RPS19: variants seen among roughly 807,000 people sequenced by gnomAD.
The protein encoded by RPS19 is small ribosomal subunit protein eS19.
RPS19 carries 1 observed loss-of-function variant against 20.3 expected under a neutral mutation model. The ratio of observed to expected loss-of-function variants is 0.05; its 90% CI spans 0.02 to 0.23. The LOEUF (loss-of-function observed/expected upper bound fraction) is 0.23. RPS19 is among the 10% of genes least tolerant of loss of function. The pLI is 1.00. For missense variants in RPS19, 111 were observed against 192.7 expected, an observed-to-expected ratio of 0.58 and a Z score of 2.51; for synonymous variants, 87 against 74.8, an observed-to-expected ratio of 1.16 and a Z score of -0.84.
Position 41,871,518 on chromosome 19 carries a change from A to G in RPS19, c.*141A>G, listed in dbSNP as rs2074149610. The G allele has an allele frequency of 1.4e-6, 1 of 715,896 alleles. No homozygotes were observed. The highest frequency in any genetic ancestry group is 2.5e-6 in the Non-Finnish European group (1 of 405,588). 44.3% of individuals were successfully genotyped at this position (715,896 alleles called of 1,614,324 possible). A position where few individuals can be genotyped will look rare whatever the true frequency, so the allele number is the denominator to read the frequency against. Reference sequence around the variant, plus strand: ...TGCAATCTCCGCCTTCTGGGTTCAAATGATTCTCCTGCCTCAGCCTCCCAA... The same window carrying G: ...TGCAATCTCCGCCTTCTGGGTTCAAGTGATTCTCCTGCCTCAGCCTCCCAA... On this transcript the variant is annotated 3_prime_UTR_variant, in exon 6 of 6. Coordinates refer to ENST00000598742, the MANE Select transcript of RPS19 (RefSeq NM_001022.4).
intron 3 of RPS19, among the ~76,000 whole-genome samples, chr19:41,867,496 G>A (rs1032763493): frequency 6.6e-6 from 1 of 152,110 alleles, no homozygotes; most frequent in African/African-American, 2.4e-5. Flanking sequence ...AATTTCAGTA[G>A]AGATGGGGTT....
chr19:41,864,583 G>C (rs781951361), intron 3 of RPS19: 1 of 152,192 alleles, frequency 6.6e-6, no homozygotes, highest in Admixed American at 6.5e-5. Context: ...CCTCCCTCTC[G>C]GTCTAGCAGG....
chr19:41,861,312 G>A, intron 3 of RPS19, 100 bp downstream of exon 3: 1 of 860,412 alleles, frequency 1.2e-6, no homozygotes, highest in Non-Finnish European at 1.9e-6. Flanking sequence ...CGCCCCAAGA[G>A]GGAGAGAAAC....
At chr19:41,866,427 G>A (rs1248155411) in intron 3 of RPS19, among the ~76,000 whole-genome samples, 1 of 152,228 alleles carries the variant, frequency 6.6e-6, no homozygotes, top group African/African-American at 2.4e-5. Context: ...AAAGGGTGGA[G>A]GTTTCCAGTG....
intron 5 of RPS19, among the ~76,000 whole-genome samples, chr19:41,870,469 C>T (rs2074135189): frequency 6.6e-6 from 1 of 152,172 alleles, no homozygotes; most frequent in African/African-American, 2.4e-5. Context: ...GGCTGGCCAA[C>T]ACCCTGGGGC....
intron 3 of RPS19, among the ~76,000 whole-genome samples, chr19:41,863,566 G>A (rs2074054973): frequency 6.6e-6 from 1 of 152,188 alleles, no homozygotes; most frequent in Non-Finnish European, 1.5e-5. Context: ...TTGCTGAGCA[G>A]GGCCAAATTG....
intron 1 of RPS19, 38 bp from the exon 2 acceptor site, chr19:41,860,737 G>A (rs782597150): frequency 2.0e-6 from 3 of 1,513,676 alleles, no homozygotes; most frequent in African/African-American, 2.7e-5. Flanking sequence ...AGTCGTCTCT[G>A]CCAGGCCTGT....
chr19:41,869,823 T>C (rs2075751), intron 5 of RPS19, 70 bp downstream of exon 5: 474,302 of 1,520,068 alleles, frequency 0.31, 77,521 homozygotes, highest in Middle Eastern at 0.5. Context: ...GCCCATACTT[T>C]GTCAGGTAGA....
chr19:41,865,047 A>G (rs569189401), intron 3 of RPS19: 2 of 152,342 alleles, frequency 1.3e-5, no homozygotes, highest in South Asian at 4.1e-4. Flanking sequence ...ATATCTGACC[A>G]AGGTTCTCCA....
At chr19:41,870,242 C>CAA (rs879977226) in intron 5 of RPS19, among the ~76,000 whole-genome samples, 1 of 141,234 alleles carries the variant, frequency 7.1e-6, no homozygotes, top group Non-Finnish European at 1.6e-5. Flanking sequence ...AACTCCATCT[C>CAA]AAAAAAAAAA....
chr19:41,871,500 T>TGAAC lies in RPS19; in HGVS notation c.*123_*124insGAAC. The TGAAC allele has an allele frequency of 1.2e-6, 1 of 829,226 alleles. No individual in the cohort carries two copies. The highest frequency in any genetic ancestry group is 2.0e-6 in the Non-Finnish European group (1 of 488,862). 51.4% of individuals were successfully genotyped at this position (829,226 alleles called of 1,614,324 possible). On this transcript the variant is annotated 3_prime_UTR_variant, in exon 6 of 6. Coordinates refer to ENST00000598742, the MANE Select transcript of RPS19 (RefSeq NM_001022.4). ...GGCGCCATCTCAGCTCACTGCAATC[T>TGAAC]CCGCCTTCTGGGTTCAAATGATTCT...
chr19:41,869,295 G>T (rs185818133), intron 4 of RPS19, 81 bp downstream of exon 4: 10 of 1,330,242 alleles, frequency 7.5e-6, no homozygotes, highest in East Asian at 2.5e-5. Context: ...GTCCTGCATA[G>T]TCTGCCCAGC....
In RPS19 at chr19:41,872,179, T is replaced by C. The variant is rs963485412; in HGVS notation, c.*802T>C. ...AGTGGGATGTGGCCTCCGCCCATGA[T>C]TGGGCACCTGGTCAGGCTGGGAGAT... On this transcript the variant is annotated 3_prime_UTR_variant, in exon 6 of 6. Coordinates refer to ENST00000598742, the MANE Select transcript of RPS19 (RefSeq NM_001022.4). The C allele has an allele frequency of 3.9e-4, 59 of 152,410 alleles. No homozygotes were observed. The highest frequency in any genetic ancestry group is 1.4e-3 in the African/African-American group (58 of 41,600). 9.4% of individuals were successfully genotyped at this position (152,410 alleles called of 1,614,324 possible).
In RPS19 at chr19:41,860,770, C is replaced by T. The variant is rs782037781; in HGVS notation, c.1-5C>T. 8 of 1,612,184 alleles carry T rather than the reference C, an allele frequency of 5.0e-6. No homozygotes were observed. The highest frequency in any genetic ancestry group is 5.9e-6 in the Non-Finnish European group (7 of 1,178,200). On this transcript the variant is annotated splice_region_variant and splice_polypyrimidine_tract_variant and intron_variant, in intron 1 of 5. Transcript: ENST00000598742. The stretch of plus-strand genomic sequence containing the variant: ...TGTGTTCACATGCTTGACTTTCTCC[C>T]TCAGATGCCTGGAGTTACTGTAAAA...
At position 41,871,684 on chromosome 19, in the gene RPS19, G is replaced by T; in HGVS notation, c.*307G>T. ...GGGTGATTGGGTGGCTGTTTACCCG[G>T]CAGCCAGTCGGGCCTTCCCAGGTCA... On this transcript the variant is annotated 3_prime_UTR_variant, in exon 6 of 6. Coordinates refer to ENST00000598742, the MANE Select transcript of RPS19 (RefSeq NM_001022.4). The T allele has an allele frequency of 2.5e-6, 1 of 393,122 alleles. No individual in the cohort carries two copies. Among genetic ancestry groups the T allele is most frequent in the South Asian group, 2.6e-5 (1 of 38,968 alleles). 24.4% of individuals were successfully genotyped at this position (393,122 alleles called of 1,614,324 possible).
At chr19:41,862,600 A>T (rs758598576) in intron 3 of RPS19, among the ~76,000 whole-genome samples, 2 of 151,890 alleles carry the variant, frequency 1.3e-5, no homozygotes, top group Non-Finnish European at 2.9e-5. Flanking sequence ...GCACATACCA[A>T]ATACCTCCAA....
rs782118495 is a variant in RPS19, at chr19:41,869,212, T to A, written c.354T>A (p.Asp118Glu). 2.5e-6 allele frequency: 4 copies of A among 1,612,944 alleles called. No individual in the cohort carries two copies. The South Asian group carries it at 4.4e-5, about 18-fold the overall frequency. The change falls in exon 4 of 6, where the codon GAT (aspartate) becomes GAA (glutamate). Residue 118 changes from aspartate to glutamate, a missense_variant and splice_region_variant. By Grantham distance (45) the Asp-to-Glu change is conservative. Transcript: ENST00000598742. ...TGAAAATGGTGGAAAAGGACCAAGA[T>A]GGGTAAGCAGGGTAGAGGGGGCTGC... ...EGLKMVEKDQ[D>E]GGRKLTPQGQ... is the part of the protein sequence containing the mutation.
intron 2 of RPS19, 112 bp from the exon 3 acceptor site, chr19:41,861,000 C>G: frequency 9.0e-7 from 1 of 1,116,910 alleles, no homozygotes; most frequent in East Asian, 2.4e-5. Flanking sequence ...CCGGTTCCAG[C>G]CTCTCTTTGT....
intron 5 of RPS19, among the ~76,000 whole-genome samples, chr19:41,870,765 C>T (rs927851337): frequency 1.7e-4 from 25 of 149,264 alleles, no homozygotes; most frequent in Non-Finnish European, 3.1e-4. Context: ...TGGGGCTTGG[C>T]GCACACATCA....
Sources: allele counts gnomAD v4.1 joint callset (sites outside exome capture counted in the v4.1 genomes callset), GRCh38; gene constraint gnomAD v4.1.1; transcripts MANE v1.5; gene names NCBI Gene and HGNC (gene_info 2026-07-23, HGNC 2026-07-21).